Variants in FGD5 observed in about 807,000 individuals in gnomAD.
The protein encoded by FGD5 is FYVE, RhoGEF and PH domain containing 5, also known as FYVE, RhoGEF and PH domain-containing protein 5.
FGD5 carries 28 observed loss-of-function variants against 133.4 expected under a neutral mutation model. That is an observed-to-expected ratio of 0.21 (90% CI 0.16 to 0.29). FGD5 has a LOEUF of 0.29. Ranked by LOEUF, FGD5 falls within the 10% of genes least tolerant of loss-of-function variation. The pLI, the probability that FGD5 is intolerant of heterozygous loss-of-function variation, is 1.00. For missense variants in FGD5, 1,858 were observed against 1,895.2 expected, an observed-to-expected ratio of 0.98 and a Z score of 0.36; for synonymous variants, 810 against 776.5, an observed-to-expected ratio of 1.04 and a Z score of -0.72.
chr3:14,904,354 A>G (rs773181061), intron 9 of FGD5, among the ~76,000 whole-genome samples: 12 of 152,216 alleles, frequency 7.9e-5, no homozygotes, highest in Non-Finnish European at 1.3e-4. Context: ...GTCATTATAT[A>G]TAAAGAAGTC....
chr3:14,888,868 C>T lies in FGD5; in HGVS notation c.2748+8096C>T, dbSNP rs2037972386. On this transcript the variant is annotated intron_variant, in intron 4 of 19. Transcript: ENST00000285046. ...CAAAGCATAGTCTTCAGACCAGCAG[C>T]GTCAGCATCACCTGGGAAACTGTGA... Among the ~76,000 whole-genome samples the T allele has an allele frequency of 2.0e-5, 3 of 152,322 alleles. No homozygotes were observed. In the South Asian group the frequency reaches 6.2e-4, roughly 32 times the overall value.
chr3:14,834,819 G>T (rs2036784574), intron 1 of FGD5, among the ~76,000 whole-genome samples: 1 of 152,156 alleles, frequency 6.6e-6, no homozygotes, highest in Admixed American at 6.5e-5. Flanking sequence ...AAATTCCTGG[G>T]TTGTATTTTG....
In FGD5 at chr3:14,900,858, A is replaced by G. The variant is rs1463405071; in HGVS notation, c.3206-145A>G. ...AGTTTACAGCCAGGGAAACTGAGGC[A>G]TGCATGACAGTGGTCAAATCACTGT... On this transcript the variant is annotated intron_variant, in intron 8 of 19. Transcript: ENST00000285046. The G allele has an allele frequency of 1.2e-5, 10 of 834,086 alleles. No individual in the cohort carries two copies. The East Asian group carries it at 2.0e-4, about 17-fold the overall frequency. The allele number at this position is 834,086 out of a possible 1,614,324, so 51.7% of individuals were successfully genotyped here. A position where few individuals can be genotyped will look rare whatever the true frequency, so the allele number is the denominator to read the frequency against.
intron 1 of FGD5, among the ~76,000 whole-genome samples, chr3:14,812,879 A>G (rs904293535): frequency 2.6e-5 from 4 of 152,260 alleles, no homozygotes; most frequent in African/African-American, 7.2e-5. Context: ...TTTATTGGGT[A>G]CTTAATATGA....
chr3:14,889,820 A>G (rs963586298), intron 4 of FGD5, among the ~76,000 whole-genome samples: 5 of 152,106 alleles, frequency 3.3e-5, no homozygotes, highest in Non-Finnish European at 4.4e-5. Context: ...CGTTCTGTTT[A>G]TTAGCCATTT....
At position 14,933,347 on chromosome 3, in the gene FGD5, T is replaced by A. The variant is rs779976054; in HGVS notation, c.*180T>A. The stretch of plus-strand genomic sequence containing the variant: ...CTTGCCAACATCTTCATGAATGGAA[T>A]CCTTAAGGGATATTTATGGACCTCT... On this transcript the variant is annotated 3_prime_UTR_variant, in exon 20 of 20. Coordinates refer to ENST00000285046, the MANE Select transcript of FGD5 (RefSeq NM_152536.4). 35 of 661,610 alleles carry A rather than the reference T, an allele frequency of 5.3e-5. No homozygotes were observed. Among genetic ancestry groups the A allele is most frequent in the Non-Finnish European group, 8.6e-5 (32 of 370,616 alleles). The allele number at this position is 661,610 out of a possible 1,614,324, so 41.0% of individuals were successfully genotyped here.
At chr3:14,837,682 A>T (rs1002506730) in intron 1 of FGD5, among the ~76,000 whole-genome samples, 2 of 152,170 alleles carry the variant, frequency 1.3e-5, no homozygotes, top group Admixed American at 6.5e-5. Context: ...GATTATGCTC[A>T]TCCACAAAAG....
At chr3:14,918,652 G>A (rs2038609771) in intron 12 of FGD5, 102 bp from the exon 13 acceptor site, 4 of 1,171,010 alleles carry the variant, frequency 3.4e-6, no homozygotes, top group East Asian at 2.4e-5. Context: ...GAGAACGGCA[G>A]TAGGTGGACA....
intron 1 of FGD5, 38 bp downstream of exon 1, chr3:14,821,634 G>T (rs767202229): frequency 2.8e-5 from 42 of 1,513,132 alleles, no homozygotes; most frequent in Non-Finnish European, 3.6e-5. Context: ...TTCGGCAGCT[G>T]TAACTGTCCA....
At chr3:14,931,849 A>G (rs927732280) in intron 18 of FGD5, 4 of 152,176 alleles carry the variant, frequency 2.6e-5, no homozygotes, top group Admixed American at 6.6e-5. Flanking sequence ...GACTGATGAA[A>G]TCCATGGAAA....
chr3:14,846,233 G>T (rs1000888563), intron 1 of FGD5, among the ~76,000 whole-genome samples: 1 of 152,124 alleles, frequency 6.6e-6, no homozygotes, highest in African/African-American at 2.4e-5. Flanking sequence ...GGGGGCTCAG[G>T]GGCTTCTTTG....
intron 2 of FGD5, among the ~76,000 whole-genome samples, chr3:14,880,295 A>C (rs546219356): frequency 2.2e-4 from 34 of 152,334 alleles, no homozygotes; most frequent in African/African-American, 7.9e-4. Context: ...TCGAGTCTGC[A>C]GGGAACTGAG....
At chr3:14,871,420 T>C (rs1302992912) in intron 2 of FGD5, among the ~76,000 whole-genome samples, 1 of 152,174 alleles carries the variant, frequency 6.6e-6, no homozygotes, top group East Asian at 1.9e-4. Context: ...ATGAAAACAC[T>C]TGTTTGGCTC....
chr3:14,868,448 C>A (rs1396221600), intron 2 of FGD5, among the ~76,000 whole-genome samples: 4 of 152,256 alleles, frequency 2.6e-5, no homozygotes, highest in Non-Finnish European at 5.9e-5. Flanking sequence ...GTCCTTGCAC[C>A]TGTAGCCTCA....
chr3:14,899,663 G>A (rs955554562), intron 7 of FGD5, among the ~76,000 whole-genome samples: 1 of 152,222 alleles, frequency 6.6e-6, no homozygotes, highest in African/African-American at 2.4e-5. Flanking sequence ...AGATGCAGCA[G>A]TAAATCGAAC....
rs1257970268 is a variant in FGD5, at chr3:14,917,222, C to T, written c.3406-27C>T. The T allele has an allele frequency of 1.2e-6, 2 of 1,603,526 alleles. No homozygotes were observed. The highest frequency in any genetic ancestry group is 1.7e-6 in the Non-Finnish European group (2 of 1,173,816). The stretch of plus-strand genomic sequence containing the variant: ...TGGCGCAGCCTTCTGGGGCCAGGGT[C>T]CTCTCATAGGGTTTCCCTCTCTCCA... On this transcript the variant is annotated intron_variant, in intron 11 of 19. Coordinates refer to ENST00000285046, the MANE Select transcript of FGD5 (RefSeq NM_152536.4). The surrounding 1 kb of genome is among the most constrained non-coding windows in gnomAD (Gnocchi z 4.1).
At chr3:14,857,534 G>T (rs1437635014) in intron 1 of FGD5, among the ~76,000 whole-genome samples, 1 of 152,072 alleles carries the variant, frequency 6.6e-6, no homozygotes, top group Non-Finnish European at 1.5e-5. Context: ...TCAGATCCTT[G>T]GTCCTGGTTT....
At chr3:14,919,605 A>G (rs1035769555) in intron 13 of FGD5, among the ~76,000 whole-genome samples, 3 of 152,186 alleles carry the variant, frequency 2.0e-5, no homozygotes, top group South Asian at 4.1e-4. Context: ...GCTACAGAGC[A>G]AGACTCCGTC....
At chr3:14,881,924 A>G (rs2037832310) in intron 4 of FGD5, among the ~76,000 whole-genome samples, 1 of 152,188 alleles carries the variant, frequency 6.6e-6, no homozygotes, top group African/African-American at 2.4e-5. Flanking sequence ...ACATCAAGCC[A>G]GGCCTCTTGC....
Sources: allele counts gnomAD v4.1 joint callset (sites outside exome capture counted in the v4.1 genomes callset), GRCh38; gene constraint gnomAD v4.1.1; non-coding constraint Gnocchi (gnomAD v3.1); transcripts MANE v1.5; gene names NCBI Gene and HGNC (gene_info 2026-07-23, HGNC 2026-07-21).